CPD: variants seen among roughly 807,000 people sequenced by gnomAD.
CPD encodes the protein carboxypeptidase D.
CPD carries 69 observed loss-of-function variants against 138.3 expected under a neutral mutation model. The ratio of observed to expected loss-of-function variants is 0.50; its 90% CI spans 0.41 to 0.61. The LOEUF is 0.61. Among genes scored for constraint, CPD ranks in the 20% least tolerant of loss-of-function variants. CPD has a pLI of 0.00. For missense variants in CPD, 1,432 were observed against 1,733.3 expected (o/e 0.83, Z 3.09); for synonymous variants, 651 against 642.1 (o/e 1.01, Z -0.21).
chr17:30,427,330 G>A (rs563240572), intron 6 of CPD, 61 bp from the exon 7 acceptor site: 33 of 1,473,220 alleles, frequency 2.2e-5, no homozygotes, highest in African/African-American at 6.9e-5. Context: ...AAAGTAGTAC[G>A]TGTTGGAATA....
chr17:30,385,800 A>G (rs1911169061), intron 2 of CPD, among the ~76,000 whole-genome samples: 1 of 151,272 alleles, frequency 6.6e-6, no homozygotes, highest in African/African-American at 2.4e-5. Flanking sequence ...CAAGCATTGC[A>G]GTTGGCTCTT....
In CPD at chr17:30,379,505, CGT is replaced by C; in HGVS notation, c.528_529del (p.Tyr177ProfsTer34). The C allele has an allele frequency of 6.4e-7, 1 of 1,571,802 alleles. No individual in the cohort carries two copies. The highest frequency in any genetic ancestry group is 8.6e-7 in the Non-Finnish European group (1 of 1,163,870). On this transcript the variant is annotated frameshift_variant, in exon 1 of 21. Transcript: ENST00000225719. LOFTEE classifies it high-confidence loss of function. This position sits in a 1 kb window ranked among gnomAD's most constrained non-coding sequence, Gnocchi z 7.0. Reference sequence around the variant, plus strand: ...TGGTCCGCCTGCTCAACACCACCGACGTGTACCTGCTGCCCAGCCTCAACCCC... The same window carrying C: ...TGGTCCGCCTGCTCAACACCACCGACGTACCTGCTGCCCAGCCTCAACCCC... ...RLVRLLNTTD[V>X]YLLPSLNPDG...
At chr17:30,383,488 T>C (rs1267130422) in intron 1 of CPD, among the ~76,000 whole-genome samples, 4 of 152,220 alleles carry the variant, frequency 2.6e-5, no homozygotes, top group African/African-American at 4.8e-5. Flanking sequence ...GCCTGTGCCA[T>C]TGCCACTACA....
chr17:30,449,571 A>G lies in CPD; in HGVS notation c.2892A>G (p.Glu964=). The G allele has an allele frequency of 3.8e-6, 6 of 1,598,764 alleles. No homozygotes were observed. The highest frequency in any genetic ancestry group is 1.1e-5 in the South Asian group (1 of 87,398). ...TNLTNLGQST[E]YRHIWSLEIS... is the part of the protein sequence containing the mutation. ...TTGAAAGTTTGGGACAGAGCACTGAATATCGTCACATTTGGTCCCTTGAAA... is the reference window on the plus strand; with the variant it reads ...TTGAAAGTTTGGGACAGAGCACTGAGTATCGTCACATTTGGTCCCTTGAAA... Residue 964 remains glutamate (E), a synonymous_variant, in exon 13 of 21, where the codon GAA becomes GAG. Transcript: ENST00000225719.
chr17:30,402,935 T>C (rs1388375877), intron 2 of CPD, among the ~76,000 whole-genome samples: 1 of 151,934 alleles, frequency 6.6e-6, no homozygotes, highest in Non-Finnish European at 1.5e-5. Flanking sequence ...GGAGAAACCC[T>C]GTCTCTACTA....
At chr17:30,445,526 T>C (rs1913002251) in intron 11 of CPD, among the ~76,000 whole-genome samples, 165 bp from the exon 12 acceptor site, 1 of 152,170 alleles carries the variant, frequency 6.6e-6, no homozygotes, top group African/African-American at 2.4e-5. Context: ...TATTCTTTAT[T>C]AATGTATTAA....
chr17:30,423,369 G>A (rs1567875035), intron 5 of CPD, 137 bp from the exon 6 acceptor site: 3 of 578,820 alleles, frequency 5.2e-6, no homozygotes, highest in Non-Finnish European at 8.6e-6. Flanking sequence ...GTTTCTGAAG[G>A]TTTTTTCTGC....
At position 30,464,786 on chromosome 17, in the gene CPD, A is replaced by G; in HGVS notation, c.4115A>G (p.Glu1372Gly). Reference protein sequence around the residue: ...HEFQDETDTEEETLYSSKH With the variant: ...HEFQDETDTEGETLYSSKH ...TTCCAGGATGAAACAGACACTGAAG[A>G]GGAAACATTATATTCTAGCAAACAT... The change falls in exon 21 of 21, where the codon GAG becomes GGG. Residue 1372 changes from glutamate (E) to glycine (G), a missense_variant. Coordinates refer to ENST00000225719, the MANE Select transcript of CPD (RefSeq NM_001304.5). The G allele has an allele frequency of 6.2e-7, 1 of 1,613,974 alleles. No individual in the cohort carries two copies. The highest frequency in any genetic ancestry group is 8.5e-7 in the Non-Finnish European group (1 of 1,179,866).
intron 2 of CPD, among the ~76,000 whole-genome samples, chr17:30,412,833 C>T (rs1311412855): frequency 6.6e-6 from 1 of 152,202 alleles, no homozygotes; most frequent in East Asian, 1.9e-4. Flanking sequence ...CCTTGCACTT[C>T]CCAGTTGAGG....
chr17:30,406,400 C>T (rs1025955913), intron 2 of CPD, among the ~76,000 whole-genome samples: 3 of 152,060 alleles, frequency 2.0e-5, no homozygotes, highest in African/African-American at 7.2e-5. Flanking sequence ...GTATTTTCTT[C>T]TCTTGGAATT....
intron 2 of CPD, among the ~76,000 whole-genome samples, chr17:30,404,773 AG>A (rs1911763974): frequency 1.3e-5 from 2 of 152,002 alleles, no homozygotes; most frequent in South Asian, 4.2e-4. Context: ...TTCTGATGGC[AG>A]CTTTTTGGCC....
chr17:30,427,697 G>A (rs1164774963), intron 7 of CPD, 139 bp downstream of exon 7: 1 of 709,170 alleles, frequency 1.4e-6, no homozygotes, highest in Non-Finnish European at 2.3e-6. Flanking sequence ...AACAGTAAAG[G>A]TCTTTTCTCA....
chr17:30,446,068 A>G (rs1482133486), intron 12 of CPD, 48 bp downstream of exon 12: 1 of 1,310,368 alleles, frequency 7.6e-7, no homozygotes, highest in Non-Finnish European at 1.1e-6. Context: ...AGACAGTAAA[A>G]TCAGCATTAG....
At chr17:30,427,750 T>A (rs1363706492) in intron 7 of CPD, among the ~76,000 whole-genome samples, 192 bp downstream of exon 7, 1 of 152,084 alleles carries the variant, frequency 6.6e-6, no homozygotes, top group Non-Finnish European at 1.5e-5. Flanking sequence ...TTCCTCCTTC[T>A]TTCTCTCTTT....
intron 2 of CPD, among the ~76,000 whole-genome samples, chr17:30,401,551 G>A (rs1441257491): frequency 3.3e-5 from 5 of 151,742 alleles, no homozygotes; most frequent in East Asian, 3.9e-4. Flanking sequence ...TGGTGCGGTC[G>A]TGGCTCACTG....
chr17:30,389,965 G>A (rs951666868), intron 2 of CPD, among the ~76,000 whole-genome samples: 2 of 151,990 alleles, frequency 1.3e-5, no homozygotes, highest in Non-Finnish European at 2.9e-5. Flanking sequence ...TGAGTAAGAT[G>A]TTGTGAAACC....
chr17:30,441,885 G>A (rs1315888961), intron 9 of CPD, among the ~76,000 whole-genome samples: 42 of 146,240 alleles, frequency 2.9e-4, no homozygotes, highest in South Asian at 4.5e-4. Context: ...TTTTTGTTGT[G>A]TCTCTGCCCG....
At chr17:30,427,309 TTAAGG>T in intron 6 of CPD, 77 bp from the exon 7 acceptor site, 3 of 1,291,260 alleles carry the variant, frequency 2.3e-6, no homozygotes, top group Non-Finnish European at 3.3e-6. Context: ...TTGCCTTGAG[TTAAGG>T]TATCTAAAGT....
intron 7 of CPD, among the ~76,000 whole-genome samples, chr17:30,431,368 T>A (rs927636638): frequency 5.3e-5 from 8 of 152,214 alleles, no homozygotes; most frequent in Non-Finnish European, 7.4e-5. Flanking sequence ...TGGACCCTTA[T>A]CAGGCTTGCA....
Sources: gnomAD v4.1 joint callset for allele counts (sites outside exome capture counted in the v4.1 genomes callset) on GRCh38, gnomAD v4.1.1 for gene constraint, Gnocchi (gnomAD v3.1) non-coding constraint, MANE v1.5 for transcripts, NCBI Gene and HGNC (gene_info 2026-07-23, HGNC 2026-07-21) for gene names.